Variants in SUSD1 observed in about 807,000 individuals in gnomAD.
SUSD1 encodes sushi domain-containing protein 1.
Under a neutral mutation model 86.9 loss-of-function variants are expected in SUSD1, and 65 were observed. That is an observed-to-expected ratio of 0.75 (90% CI 0.61 to 0.92). SUSD1 has a LOEUF of 0.92. Among genes scored for constraint, SUSD1 ranks in the 40% least tolerant of loss-of-function variants. SUSD1 has a pLI of 0.00. For missense variants in SUSD1, 850 were observed against 929.7 expected, an observed-to-expected ratio of 0.91 and a Z score of 1.11; for synonymous variants, 346 against 350.0, an observed-to-expected ratio of 0.99 and a Z score of 0.13.
At chr9:112,118,355 A>C (rs969067947) in intron 6 of SUSD1, among the ~76,000 whole-genome samples, 1 of 152,208 alleles carries the variant, frequency 6.6e-6, no homozygotes, top group Admixed American at 6.5e-5. Flanking sequence ...TGGCTATAAA[A>C]GTTTTCATGT....
chr9:112,157,874 A>T (rs1589743076), intron 1 of SUSD1, among the ~76,000 whole-genome samples: 1 of 141,690 alleles, frequency 7.1e-6, no homozygotes, highest in Admixed American at 7.3e-5. Flanking sequence ...CCCAGGCTGG[A>T]GTGCAGTGGT....
intron 13 of SUSD1, among the ~76,000 whole-genome samples, chr9:112,060,258 C>CTTTCT (rs1411237471): frequency 1.3e-5 from 2 of 152,068 alleles, no homozygotes; most frequent in South Asian, 2.1e-4. Flanking sequence ...CCCTGATTTT[C>CTTTCT]TTTCTTTTCT....
intron 3 of SUSD1, among the ~76,000 whole-genome samples, chr9:112,145,494 C>A (rs140730723): frequency 1.5e-3 from 226 of 152,132 alleles, no homozygotes; most frequent in Middle Eastern, 3.4e-3. Flanking sequence ...GTTGGCCAGG[C>A]TGGTCTCGAA....
intron 1 of SUSD1, among the ~76,000 whole-genome samples, chr9:112,166,931 T>TC (rs1196817927): frequency 6.6e-6 from 1 of 151,992 alleles, no homozygotes; most frequent in East Asian, 1.9e-4. Context: ...TATTACCACA[T>TC]CCCCCGGCTA....
chr9:112,080,701 A>AAG (rs1388220983), intron 10 of SUSD1, among the ~76,000 whole-genome samples: 1 of 151,606 alleles, frequency 6.6e-6, no homozygotes, highest in Non-Finnish European at 1.5e-5. Flanking sequence ...AAAAAAAAAA[A>AAG]AAAGAAAAGA....
intron 1 of SUSD1, among the ~76,000 whole-genome samples, chr9:112,164,636 A>T (rs1303259627): frequency 1.3e-5 from 2 of 152,094 alleles, no homozygotes; most frequent in Non-Finnish European, 2.9e-5. Flanking sequence ...TACATACTAA[A>T]AAAGAAAAAT....
chr9:112,149,103 TA>T, intron 3 of SUSD1, 140 bp downstream of exon 3: 2 of 1,212,170 alleles, frequency 1.6e-6, no homozygotes, highest in Non-Finnish European at 2.3e-6. Context: ...TCTCCCAAAA[TA>T]AGAATATTAT....
chr9:112,058,749 T>C, intron 13 of SUSD1, 63 bp from the exon 14 acceptor site: 2 of 1,573,692 alleles, frequency 1.3e-6, no homozygotes, highest in South Asian at 1.2e-5. Flanking sequence ...CATTCATTCA[T>C]ATTTATTGAG....
At chr9:112,150,148 C>T (rs1024738837) in intron 2 of SUSD1, among the ~76,000 whole-genome samples, 3 of 152,170 alleles carry the variant, frequency 2.0e-5, no homozygotes, top group African/African-American at 4.8e-5. Flanking sequence ...CTCATGGGCA[C>T]GAAAGCAGCT....
In SUSD1 at chr9:112,059,562, CAG is replaced by C. The variant is rs567566595; in HGVS notation, c.1851-878_1851-877del. On this transcript the variant is annotated intron_variant, in intron 13 of 16. Transcript: ENST00000374270. Reference sequence around the variant, plus strand: ...TGAAATAAATGAGACGCCAAGAGTGCAGAGTCACCATGAGTTAATCTAGTCTG... The same window carrying C: ...TGAAATAAATGAGACGCCAAGAGTGCAGTCACCATGAGTTAATCTAGTCTG... 2.4e-4 allele frequency among the ~76,000 whole-genome samples: 37 copies of C among 152,300 alleles called. No individual in the cohort carries two copies. The East Asian group carries it at 6.0e-3, about 25-fold the overall frequency.
At position 112,149,311 on chromosome 9, in the gene SUSD1, G is replaced by A. The variant is rs75423111; in HGVS notation, c.306C>T (p.Cys102=). The A allele has an allele frequency of 2.9e-3, 4,633 of 1,614,056 alleles. 118 individuals carry two copies. In the African/African-American group the frequency reaches 0.048, roughly 17 times the overall value. ...TGTTTGTGGCTCGATATCCTTCCAG[G>A]CAAATGCAATAGAAGCCCCCGGGGG... ...HNTPGGFYCI[C]LEGYRATNNN... is the part of the protein sequence containing the mutation. The change falls in exon 3 of 17, where the codon TGC becomes TGT. Residue 102 remains cysteine, a synonymous_variant. Transcript: ENST00000374270.
rs185703186 is a variant in SUSD1, at chr9:112,151,233, G to A, written c.218-1834C>T. ...GAGCTCCCAAAGGGATTACAGGTGT[G>A]AGCCACCACATCCAGCCTTACTGTA... On this transcript the variant is annotated intron_variant, in intron 2 of 16. Transcript: ENST00000374270. 1.2e-4 allele frequency among the ~76,000 whole-genome samples: 19 copies of A among 152,206 alleles called. 1 individual carries two copies. In the South Asian group the frequency reaches 1.7e-3, roughly 13 times the overall value.
intron 12 of SUSD1, among the ~76,000 whole-genome samples, chr9:112,066,886 GT>G (rs1226373990): frequency 6.6e-6 from 1 of 151,898 alleles, no homozygotes; most frequent in Non-Finnish European, 1.5e-5. Flanking sequence ...TTGTTTATCT[GT>G]TTTTTTGAGA....
intron 8 of SUSD1, among the ~76,000 whole-genome samples, chr9:112,106,336 A>G (rs758743638): frequency 2.6e-5 from 4 of 152,076 alleles, no homozygotes; most frequent in Non-Finnish European, 4.4e-5. Context: ...CCAGTTCCCA[A>G]CGTCAATAAG....
At chr9:112,158,307 C>A (rs1467696228) in intron 1 of SUSD1, among the ~76,000 whole-genome samples, 1 of 152,120 alleles carries the variant, frequency 6.6e-6, no homozygotes, top group African/African-American at 2.4e-5. Flanking sequence ...AATGCCTATG[C>A]CTTCTTCTCT....
At chr9:112,045,592 A>G (rs1340844108) in intron 15 of SUSD1, among the ~76,000 whole-genome samples, 1 of 152,174 alleles carries the variant, frequency 6.6e-6, no homozygotes, top group Non-Finnish European at 1.5e-5. Context: ...CTGCTCTTAA[A>G]GCTCCTGACT....
chr9:112,110,491 A>T (rs572000340), intron 8 of SUSD1, among the ~76,000 whole-genome samples: 21 of 137,734 alleles, frequency 1.5e-4, no homozygotes, highest in African/African-American at 4.9e-4. Flanking sequence ...TGAACAAGTG[A>T]TCCTCTCGCC....
chr9:112,142,425 G>C lies in SUSD1; in HGVS notation c.601C>G (p.Gln201Glu), dbSNP rs17829458. ...IGNYTSSLGS[Q>E]VRYACREGFF... is the part of the protein sequence containing the mutation. ...CCTTCTCTGCAAGCATAACGAACCT[G>C]GCTGCCCAGACTAGACGTATAATTT... The change falls in exon 5 of 17, where the codon CAG becomes GAG. Residue 201 changes from glutamine (Q) to glutamate (E), a missense_variant. Coordinates refer to ENST00000374270, the MANE Select transcript of SUSD1 (RefSeq NM_022486.5). The C allele has an allele frequency of 1.2e-3, 1,859 of 1,613,988 alleles. 2 individuals are homozygous for C. The highest frequency in any genetic ancestry group is 1.4e-3 in the Non-Finnish European group (1,672 of 1,179,992).
chr9:112,101,080 G>T (rs1250493163), intron 9 of SUSD1, among the ~76,000 whole-genome samples: 2 of 151,524 alleles, frequency 1.3e-5, no homozygotes, highest in African/African-American at 4.9e-5. Flanking sequence ...ATTAATTTTG[G>T]CCTGGGCGCG....
Sources: allele counts gnomAD v4.1 joint callset (sites outside exome capture counted in the v4.1 genomes callset), GRCh38; gene constraint gnomAD v4.1.1; transcripts MANE v1.5; gene names NCBI Gene and HGNC (gene_info 2026-07-23, HGNC 2026-07-21).